The following PDE3A variants were observed in gnomAD, a reference collection of about 807,000 sequenced individuals.
PDE3A encodes the protein phosphodiesterase 3A.
In PDE3A, 43 loss-of-function variants were observed where a neutral mutation model predicts 98.3. The ratio of observed to expected loss-of-function variants is 0.44; its 90% CI spans 0.34 to 0.56. The LOEUF is 0.56. Ranked by LOEUF, PDE3A falls within the 20% of genes least tolerant of loss-of-function variation. PDE3A has a pLI of 0.01. For missense variants in PDE3A, 1,427 were observed against 1,440.7 expected (o/e 0.99, Z 0.15); for synonymous variants, 663 against 567.9 (o/e 1.17, Z -2.38).
At chr12:20,464,425 A>G (rs1945304889) in intron 1 of PDE3A, among the ~76,000 whole-genome samples, 1 of 152,194 alleles carries the variant, frequency 6.6e-6, no homozygotes, top group African/African-American at 2.4e-5. Flanking sequence ...CTCGCTTTTT[A>G]TATCAATAAC....
At chr12:20,565,643 G>A (rs1298397940) in intron 2 of PDE3A, among the ~76,000 whole-genome samples, 1 of 151,602 alleles carries the variant, frequency 6.6e-6, no homozygotes, top group Non-Finnish European at 1.5e-5. Flanking sequence ...AAAGAAAACG[G>A]GAAATGTTGA....
In PDE3A at chr12:20,369,223, G is replaced by A. The variant is rs1033593040; in HGVS notation, c.-62G>A. On this transcript the variant is annotated 5_prime_UTR_variant, in exon 1 of 16. The change creates a new upstream start codon in the 5' untranslated region. Transcript: ENST00000359062. ...TGTGTGTGTGTGTGCGCGCGCGCGCGTGGGTCGGGGCGGGGGCGTCGGGGG... is the reference window on the plus strand; with the variant it reads ...TGTGTGTGTGTGTGCGCGCGCGCGCATGGGTCGGGGCGGGGGCGTCGGGGG... 3 of 1,293,708 alleles carry A rather than the reference G, an allele frequency of 2.3e-6. No individual in the cohort carries two copies. Among genetic ancestry groups the A allele is most frequent in the Admixed American group, 2.7e-5 (1 of 36,588 alleles). The allele number at this position is 1,293,708 out of a possible 1,614,324, so 80.1% of individuals were successfully genotyped here.
At chr12:20,483,088 C>T (rs961248261) in intron 1 of PDE3A, among the ~76,000 whole-genome samples, 1 of 151,954 alleles carries the variant, frequency 6.6e-6, no homozygotes, top group Non-Finnish European at 1.5e-5. Context: ...TATCAGTCTT[C>T]ATCTCAAAAC....
chr12:20,546,389 A>G (rs2121236587), intron 1 of PDE3A, among the ~76,000 whole-genome samples: 1 of 152,114 alleles, frequency 6.6e-6, no homozygotes, highest in East Asian at 1.9e-4. Context: ...AAAAAAAAGA[A>G]CAATTTCCCA....
chr12:20,569,346 A>G (rs989342741), intron 2 of PDE3A, among the ~76,000 whole-genome samples: 1 of 152,090 alleles, frequency 6.6e-6, no homozygotes, highest in Admixed American at 6.5e-5. Flanking sequence ...TATATAAATC[A>G]TGTGCTTAAA....
chr12:20,663,303 A>T (rs953221293), intron 15 of PDE3A, among the ~76,000 whole-genome samples: 3 of 152,220 alleles, frequency 2.0e-5, no homozygotes, highest in African/African-American at 7.2e-5. Flanking sequence ...CACCACACAG[A>T]GTTCCTACTG....
At chr12:20,601,422 G>C (rs866435683) in intron 2 of PDE3A, among the ~76,000 whole-genome samples, 2 of 152,116 alleles carry the variant, frequency 1.3e-5, no homozygotes, top group African/African-American at 4.8e-5. Flanking sequence ...AACACCCATT[G>C]CATATGGGGC....
In PDE3A at chr12:20,544,795, TG is replaced by T. The variant is rs1942007874; in HGVS notation, c.961-11864del. Among the ~76,000 whole-genome samples the T allele has an allele frequency of 2.0e-5, 3 of 151,990 alleles. No individual in the cohort carries two copies. The South Asian group carries it at 6.2e-4, about 31-fold the overall frequency. On this transcript the variant is annotated intron_variant, in intron 1 of 15. Coordinates refer to ENST00000359062, the MANE Select transcript of PDE3A (RefSeq NM_000921.5). ...CTATGGTTTCTTGGTGATGAAATTA[TG>T]TATTAAAAATTATAAAACTGTAAAA...
In PDE3A at chr12:20,464,706, C is replaced by T. The variant is rs553643299; in HGVS notation, c.961-91954C>T. ...GTACACTATGCAAATTTTCATTTTCCTTGAAGAGTGAGTGCAGGACTATAA... is the reference window on the plus strand; with the variant it reads ...GTACACTATGCAAATTTTCATTTTCTTTGAAGAGTGAGTGCAGGACTATAA... On this transcript the variant is annotated intron_variant, in intron 1 of 15. Transcript: ENST00000359062. Among the ~76,000 whole-genome samples, 17 of 152,208 alleles carry T rather than the reference C, an allele frequency of 1.1e-4. 1 individual carries two copies. The highest frequency in any genetic ancestry group is 4.1e-4 in the African/African-American group (17 of 41,538).
At chr12:20,498,474 T>A (rs1222487811) in intron 1 of PDE3A, among the ~76,000 whole-genome samples, 1 of 152,170 alleles carries the variant, frequency 6.6e-6, no homozygotes, top group Non-Finnish European at 1.5e-5. Context: ...TTACATAGCA[T>A]TTACATTGAA....
chr12:20,581,534 T>G (rs1305543843), intron 2 of PDE3A, among the ~76,000 whole-genome samples: 1 of 152,172 alleles, frequency 6.6e-6, no homozygotes, highest in African/African-American at 2.4e-5. Flanking sequence ...AGATGTATTT[T>G]CAACATTATA....
rs1027893605 is a variant in PDE3A at position 20,655,528 on chromosome 12, A to G, written c.3184+1323A>G. On this transcript the variant is annotated intron_variant, in intron 15 of 15. Transcript: ENST00000359062. ...GTTGGGCCAGTAAAGCCCCTTCCTCATCCCACTGTTCTGCTTATCACTAGA... is the reference window on the plus strand; with the variant it reads ...GTTGGGCCAGTAAAGCCCCTTCCTCGTCCCACTGTTCTGCTTATCACTAGA... Among the ~76,000 whole-genome samples, 3 of 152,172 alleles carry G rather than the reference A, an allele frequency of 2.0e-5. No homozygotes were observed. The East Asian group carries it at 5.8e-4, about 29-fold the overall frequency.
chr12:20,554,031 T>TGTGTTCTAAATGAAATGTG (rs1942295701), intron 1 of PDE3A, among the ~76,000 whole-genome samples: 2 of 135,282 alleles, frequency 1.5e-5, no homozygotes, highest in Non-Finnish European at 3.3e-5. Context: ...TCTAAATGAA[T>TGTGTTCTAAATGAAATGTG]TTTTTTGTAG....
At chr12:20,387,636 C>G (rs1943836592) in intron 1 of PDE3A, among the ~76,000 whole-genome samples, 1 of 151,936 alleles carries the variant, frequency 6.6e-6, no homozygotes, top group Non-Finnish European at 1.5e-5. Flanking sequence ...TTAACTCAGA[C>G]TATCTGTTGA....
At chr12:20,431,449 A>G (rs1170655844) in intron 1 of PDE3A, among the ~76,000 whole-genome samples, 1 of 152,160 alleles carries the variant, frequency 6.6e-6, no homozygotes, top group African/African-American at 2.4e-5. Context: ...TAGTTTCATG[A>G]CATTAGTTTC....
chr12:20,551,719 C>A (rs1225397646), intron 1 of PDE3A: 2 of 1,613,556 alleles, frequency 1.2e-6, no homozygotes, highest in East Asian at 2.2e-5. Flanking sequence ...CCCTGAGTGC[C>A]GGAATGATGC....
Position 20,680,230 on chromosome 12 carries a change from C to G in PDE3A, c.3385C>G (p.Pro1129Ala), listed in dbSNP as rs750835967. The change falls in exon 16 of 16, where the codon CCA (proline) becomes GCA (alanine). Residue 1129 changes from proline (P) to alanine (A), a missense_variant. This residue lies in a region of PDE3A where 142 missense variants were observed against 133.9 expected (regional missense o/e 1.06). Coordinates refer to ENST00000359062, the MANE Select transcript of PDE3A (RefSeq NM_000921.5). ...GGAAGAAGAAGAAGAGAAAGGGAAA[C>G]CAAGAGGCGAGGAGATACCAACCCA... The part of the protein sequence containing the change: ...IKEEEEEKGK[P>A]RGEEIPTQKP... The G allele has an allele frequency of 6.2e-7, 1 of 1,613,928 alleles. No individual in the cohort carries two copies.
intron 1 of PDE3A, among the ~76,000 whole-genome samples, chr12:20,516,180 T>A (rs1946319989): frequency 1.3e-5 from 2 of 152,164 alleles, no homozygotes; most frequent in South Asian, 4.1e-4. Context: ...TACTTTTTTT[T>A]CATAGATTCT....
chr12:20,416,125 T>G (rs1032544961), intron 1 of PDE3A, among the ~76,000 whole-genome samples: 2 of 152,212 alleles, frequency 1.3e-5, no homozygotes, highest in African/African-American at 2.4e-5. Context: ...AGCTCTGCAG[T>G]ATCCAAAGCA....
Sources: allele counts gnomAD v4.1 joint callset (sites outside exome capture counted in the v4.1 genomes callset), GRCh38; gene constraint gnomAD v4.1.1; regional missense constraint gnomAD v4.1.1; transcripts MANE v1.5; gene names NCBI Gene and HGNC (gene_info 2026-07-23, HGNC 2026-07-21).